Variants in ELP4 observed in about 807,000 individuals in gnomAD.
ELP4 encodes the protein elongator acetyltransferase complex subunit 4.
Under a neutral mutation model 48.9 loss-of-function variants are expected in ELP4, and 51 were observed. That is an observed-to-expected ratio of 1.04 (90% CI 0.83 to 1.32). ELP4 has a LOEUF of 1.32. ELP4 is among the 40% of genes most tolerant of loss of function. The probability of loss-of-function intolerance (pLI) is 0.00; values close to 1 mark genes in which losing one functional copy is unlikely to be tolerated. For missense variants in ELP4, 519 were observed against 514.6 expected (o/e 1.01, Z -0.08); for synonymous variants, 210 against 189.2 (o/e 1.11, Z -0.90).
At chr11:31,642,333 T>TA (rs770702276) in intron 7 of ELP4, among the ~76,000 whole-genome samples, 28 of 151,868 alleles carry the variant, frequency 1.8e-4, no homozygotes, top group Non-Finnish European at 3.8e-4. Flanking sequence ...AATGTGTTCT[T>TA]AAAAAAAGTC....
At chr11:31,677,852 A>G (rs1254073912) in intron 9 of ELP4, among the ~76,000 whole-genome samples, 3 of 152,176 alleles carry the variant, frequency 2.0e-5, no homozygotes, top group Non-Finnish European at 2.9e-5. Flanking sequence ...GAATTGATAC[A>G]TTATTATTGA....
chr11:31,602,135 A>G (rs1482063643), intron 4 of ELP4, among the ~76,000 whole-genome samples: 2 of 152,054 alleles, frequency 1.3e-5, no homozygotes, highest in African/African-American at 4.8e-5. Context: ...GTTTTTCTCA[A>G]TGAAGACATC....
chr11:31,704,935 T>C (rs1288487261), intron 9 of ELP4, among the ~76,000 whole-genome samples: 1 of 150,396 alleles, frequency 6.6e-6, no homozygotes, highest in African/African-American at 2.5e-5. Context: ...CGCTTGAACC[T>C]GGGAGGCAGA....
chr11:31,758,097 G>C (rs904572278), intron 9 of ELP4, among the ~76,000 whole-genome samples: 2 of 152,096 alleles, frequency 1.3e-5, no homozygotes, highest in Admixed American at 6.5e-5. Context: ...AATGTCATTG[G>C]TGAATTTTAT....
intron 9 of ELP4, among the ~76,000 whole-genome samples, chr11:31,737,875 G>A (rs1257327382): frequency 6.6e-6 from 1 of 152,164 alleles, no homozygotes; most frequent in Non-Finnish European, 1.5e-5. Context: ...GTGGAAAACA[G>A]TGTGGAGGTT....
At chr11:31,752,969 C>T (rs1486849633) in intron 9 of ELP4, among the ~76,000 whole-genome samples, 1 of 152,012 alleles carries the variant, frequency 6.6e-6, no homozygotes, top group Non-Finnish European at 1.5e-5. Flanking sequence ...ATTCCTATAA[C>T]TAACCTTACT....
chr11:31,569,114 A>C (rs1197216350), intron 3 of ELP4, among the ~76,000 whole-genome samples: 2 of 151,954 alleles, frequency 1.3e-5, no homozygotes, highest in Non-Finnish European at 2.9e-5. Context: ...AGGAAAGAAA[A>C]AAAACCTAAA....
intron 2 of ELP4, among the ~76,000 whole-genome samples, chr11:31,525,588 C>T (rs932002936): frequency 1.3e-5 from 2 of 152,066 alleles, no homozygotes; most frequent in African/African-American, 4.8e-5. Flanking sequence ...ATAACTAGGT[C>T]CTTCTAAAGT....
At chr11:31,592,958 A>C (rs769566141) in intron 3 of ELP4, among the ~76,000 whole-genome samples, 14 of 152,114 alleles carry the variant, frequency 9.2e-5, no homozygotes, top group Non-Finnish European at 1.8e-4. Context: ...TTATTTTTCA[A>C]ATGTTTTTAT....
chr11:31,528,742 A>G (rs1033370474), intron 2 of ELP4, among the ~76,000 whole-genome samples: 3 of 152,166 alleles, frequency 2.0e-5, no homozygotes, highest in African/African-American at 7.2e-5. Context: ...AAGGAAAAGA[A>G]TGAGCAAATA....
intron 7 of ELP4, among the ~76,000 whole-genome samples, chr11:31,634,881 C>T (rs1444479559): frequency 6.6e-6 from 1 of 151,878 alleles, no homozygotes; most frequent in East Asian, 1.9e-4. Context: ...TTCCTCAAAA[C>T]AGAGAATGTC....
At chr11:31,512,535 A>C (rs1004878448) in intron 1 of ELP4, 15 of 152,224 alleles carry the variant, frequency 9.9e-5, no homozygotes, top group African/African-American at 3.6e-4. Context: ...ATTATGAGAT[A>C]TTGATATACA....
At chr11:31,706,286 A>G (rs562843436) in intron 9 of ELP4, among the ~76,000 whole-genome samples, 3 of 151,758 alleles carry the variant, frequency 2.0e-5, no homozygotes, top group South Asian at 4.2e-4. Flanking sequence ...TTCTACTATT[A>G]GAAATGATAT....
Position 31,603,828 on chromosome 11 carries a change from C to T in ELP4, c.574C>T (p.Gln192Ter), listed in dbSNP as rs1957824790. The change falls in exon 5 of 10, where the codon CAA becomes TAA. Residue 192 changes from glutamine to a stop codon, truncating the protein, a stop_gained. Transcript: ENST00000640961. LOFTEE classifies it high-confidence loss of function. ...HYYDASKRMP[Q>*]ELIEASNWHG... ...TTATGATGCATCAAAAAGAATGCCA[C>T]AAGAACTAATTGAGGCTTCAAATTG... The T allele has an allele frequency of 6.2e-6, 10 of 1,611,234 alleles. No individual in the cohort carries two copies. The highest frequency in any genetic ancestry group is 8.5e-6 in the Non-Finnish European group (10 of 1,178,200).
rs140971065 is a variant in ELP4, at chr11:31,785,307, T to G, written c.*1783T>G. The G allele has an allele frequency of 8.8e-4, 162 of 183,176 alleles. 1 individual carries two copies. The East Asian group carries it at 0.014, about 16-fold the overall frequency. 11.3% of individuals were successfully genotyped at this position (183,176 alleles called of 1,614,324 possible). A position where few individuals can be genotyped will look rare whatever the true frequency, so the allele number is the denominator to read the frequency against. Reference sequence around the variant, plus strand: ...TTTTTCTTACCGTGTTGATTCATTTTATACAACACACAATGGAACAATTAC... The same window carrying G: ...TTTTTCTTACCGTGTTGATTCATTTGATACAACACACAATGGAACAATTAC... On this transcript the variant is annotated 3_prime_UTR_variant, in exon 10 of 10. Transcript: ENST00000640961.
chr11:31,743,378 A>T (rs935248217), intron 9 of ELP4, among the ~76,000 whole-genome samples: 2 of 152,212 alleles, frequency 1.3e-5, no homozygotes, highest in African/African-American at 4.8e-5. Context: ...AATTGAACTC[A>T]GCTCTGCACC....
At chr11:31,698,911 T>G (rs1198479676) in intron 9 of ELP4, among the ~76,000 whole-genome samples, 1 of 152,152 alleles carries the variant, frequency 6.6e-6, no homozygotes, top group Admixed American at 6.5e-5. Flanking sequence ...AATAAAAATT[T>G]GTTCATCAAA....
intron 4 of ELP4, among the ~76,000 whole-genome samples, chr11:31,596,793 T>A (rs531939400): frequency 5.3e-5 from 8 of 152,142 alleles, no homozygotes; most frequent in Non-Finnish European, 1.2e-4. Context: ...ATTTTCCTTA[T>A]ATACAAATAA....
At chr11:31,763,256 T>A (rs1717132754) in intron 9 of ELP4, among the ~76,000 whole-genome samples, 1 of 152,140 alleles carries the variant, frequency 6.6e-6, no homozygotes, top group Non-Finnish European at 1.5e-5. Context: ...GCTTGATTTG[T>A]TGCAAATATT....
Sources: allele counts gnomAD v4.1 joint callset (sites outside exome capture counted in the v4.1 genomes callset), GRCh38; gene constraint gnomAD v4.1.1; transcripts MANE v1.5; gene names NCBI Gene and HGNC (gene_info 2026-07-23, HGNC 2026-07-21).